The following ZNF106 variants were observed in gnomAD, a reference collection of about 807,000 sequenced individuals.
The protein encoded by ZNF106 is zinc finger protein 106.
Under a neutral mutation model 195.1 loss-of-function variants are expected in ZNF106, and 67 were observed. The observed-to-expected ratio is 0.34, with a 90% CI of 0.28 to 0.42. The LOEUF (loss-of-function observed/expected upper bound fraction) is 0.42. Among genes scored for constraint, ZNF106 ranks in the 10% least tolerant of loss-of-function variants. The pLI is 1.00. For missense variants in ZNF106, 2,118 were observed against 2,304.5 expected (o/e 0.92, Z 1.66); for synonymous variants, 784 against 818.6 (o/e 0.96, Z 0.72).
intron 16 of ZNF106, 94 bp from the exon 17 acceptor site, chr15:42,424,154 CTA>C: frequency 9.0e-7 from 1 of 1,117,200 alleles, no homozygotes; most frequent in Non-Finnish European, 1.3e-6. Flanking sequence ...AATTTCCATC[CTA>C]TTTTGAGATG....
At chr15:42,454,660 G>C (rs1240572856) in intron 4 of ZNF106, among the ~76,000 whole-genome samples, 1 of 151,980 alleles carries the variant, frequency 6.6e-6, no homozygotes, top group Non-Finnish European at 1.5e-5. Flanking sequence ...AAGGTGGGTG[G>C]ATCACTTGAG....
intron 2 of ZNF106, among the ~76,000 whole-genome samples, chr15:42,467,086 T>C (rs375480230): frequency 1.2e-4 from 18 of 151,968 alleles, no homozygotes; most frequent in East Asian, 7.8e-4. Context: ...TGAGCCGAGA[T>C]TGTGCGACTG....
chr15:42,427,976 C>G (rs753734616), intron 15 of ZNF106, 42 bp downstream of exon 15: 1 of 1,528,292 alleles, frequency 6.5e-7, no homozygotes, highest in African/African-American at 1.4e-5. Context: ...ACACTGTTTT[C>G]AAGTGCATGG....
intron 1 of ZNF106, among the ~76,000 whole-genome samples, chr15:42,483,365 C>G (rs981015587): frequency 1.1e-4 from 16 of 152,272 alleles, no homozygotes; most frequent in African/African-American, 3.6e-4. Context: ...GCGGGACAGA[C>G]TGATCAAAGA....
chr15:42,446,329 C>G (rs2055767477), intron 7 of ZNF106, among the ~76,000 whole-genome samples: 1 of 152,154 alleles, frequency 6.6e-6, no homozygotes, highest in Non-Finnish European at 1.5e-5. Flanking sequence ...ATCTATAATC[C>G]TAACACTTTG....
In ZNF106 at chr15:42,449,896, C is replaced by A. The variant is rs2055924934; in HGVS notation, c.2376G>T (p.Glu792Asp). 2 of 1,614,178 alleles carry A rather than the reference C, an allele frequency of 1.2e-6. No individual in the cohort carries two copies. The highest frequency in any genetic ancestry group is 1.7e-6 in the Non-Finnish European group (2 of 1,180,034). Residue 792 changes from glutamate (E) to aspartate (D), a missense_variant, in exon 5 of 22, where the codon GAG (glutamate) becomes GAT (aspartate). Coordinates refer to ENST00000564754, the MANE Select transcript of ZNF106 (RefSeq NM_001366845.3). ...GGGTTGGCTTGAGCCCAGACTCCTT[C>A]TCTGTCTCACTCTTTCGGTGACCGC... Reference protein sequence around the residue: ...NISGHRKSETEKESGLKPTLR... With the variant: ...NISGHRKSETDKESGLKPTLR...
At chr15:42,424,625 C>A in intron 16 of ZNF106, 1 of 517,094 alleles carries the variant, frequency 1.9e-6, no homozygotes, top group East Asian at 3.3e-5. Flanking sequence ...AGTACAGGTG[C>A]ACACCACAAC....
chr15:42,419,400 G>C (rs533384203), intron 20 of ZNF106, among the ~76,000 whole-genome samples: 2 of 151,874 alleles, frequency 1.3e-5, no homozygotes, highest in Non-Finnish European at 2.9e-5. Context: ...AAATTAGCTG[G>C]GCATAGTGGC....
In ZNF106 at chr15:42,442,392, G is replaced by A. The variant is rs1247128159; in HGVS notation, c.3444C>T (p.His1148=). 3.1e-6 allele frequency: 5 copies of A among 1,613,278 alleles called. No homozygotes were observed. The East Asian group carries it at 6.7e-5, about 22-fold the overall frequency. ...GLQETYEPSE[H]PDQVPCSLTR... ...TGAGGCTACAGGGAACCTGGTCTGGGTGCTCAGAAGGTTCATATGTTTCTA... is the reference window on the plus strand; with the variant it reads ...TGAGGCTACAGGGAACCTGGTCTGGATGCTCAGAAGGTTCATATGTTTCTA... The change falls in exon 10 of 22, where the codon CAC becomes CAT. Residue 1148 remains histidine, a synonymous_variant. Coordinates refer to ENST00000564754, the MANE Select transcript of ZNF106 (RefSeq NM_001366845.3).
chr15:42,437,356 T>A lies in ZNF106; in HGVS notation c.4622A>T (p.Asp1541Val). 6.2e-7 allele frequency: 1 copy of A among 1,613,830 alleles called. No individual in the cohort carries two copies. The highest frequency in any genetic ancestry group is 1.6e-4 in the Middle Eastern group (1 of 6,062). ...GCTTCCTTCTGTGGGTTCATCATCA[T>A]CTCCTGGCTCTGAAGATATTTCTGG... is the stretch of plus-strand genomic sequence containing the variant. ...NSSEISSEPG[D>V]DDEPTEGSFE... Residue 1541 changes from aspartate to valine, a missense_variant, in exon 13 of 22, where the codon GAT (aspartate) becomes GTT (valine). Transcript: ENST00000564754.
intron 8 of ZNF106, among the ~76,000 whole-genome samples, 156 bp downstream of exon 8, chr15:42,444,671 A>G (rs1028580213): frequency 1.3e-5 from 2 of 152,154 alleles, no homozygotes; most frequent in African/African-American, 4.8e-5. Context: ...CTTTCTTTGG[A>G]ATCCTAACTG....
chr15:42,471,340 C>T (rs2056663281), intron 2 of ZNF106, among the ~76,000 whole-genome samples: 1 of 152,126 alleles, frequency 6.6e-6, no homozygotes, highest in Non-Finnish European at 1.5e-5. Context: ...AGAATAAATT[C>T]CTCAGTATTT....
At chr15:42,483,179 T>C (rs1049419676) in intron 1 of ZNF106, among the ~76,000 whole-genome samples, 1 of 152,160 alleles carries the variant, frequency 6.6e-6, no homozygotes. Context: ...GGTTTTTTTG[T>C]AACTCTCCAG....
At chr15:42,483,458 A>T (rs2056947438) in intron 1 of ZNF106, among the ~76,000 whole-genome samples, 1 of 152,172 alleles carries the variant, frequency 6.6e-6, no homozygotes, top group African/African-American at 2.4e-5. Flanking sequence ...ACTCCTGAAT[A>T]GCAGCTGTTC....
chr15:42,414,497 C>T lies in ZNF106; in HGVS notation c.*2807G>A, dbSNP rs528081900. 4 of 152,314 alleles carry T rather than the reference C, an allele frequency of 2.6e-5. No homozygotes were observed. Among genetic ancestry groups the T allele is most frequent in the Non-Finnish European group, 4.4e-5 (3 of 68,036 alleles). 9.4% of individuals were successfully genotyped at this position (152,314 alleles called of 1,614,324 possible). A position where few individuals can be genotyped will look rare whatever the true frequency, so the allele number is the denominator to read the frequency against. ...AATATGACAAACACAGGTTCCCACA[C>T]GTACACATACATACAAAGGAACCTG... On this transcript the variant is annotated 3_prime_UTR_variant, in exon 22 of 22. Coordinates refer to ENST00000564754, the MANE Select transcript of ZNF106 (RefSeq NM_001366845.3).
At chr15:42,441,030 T>A (rs79052900) in intron 10 of ZNF106, among the ~76,000 whole-genome samples, 2,315 of 79,872 alleles carry the variant, frequency 0.029, 407 homozygotes, top group African/African-American at 0.1. Context: ...TATATATATA[T>A]ATATATATAT....
At chr15:42,427,792 A>G in intron 15 of ZNF106, 2 of 365,776 alleles carry the variant, frequency 5.5e-6, no homozygotes, top group East Asian at 9.1e-5. Context: ...ACTTGGTTTA[A>G]TTTAGTGGAG....
At chr15:42,425,118 AC>A in intron 15 of ZNF106, 93 bp from the exon 16 acceptor site, 1 of 1,251,560 alleles carries the variant, frequency 8.0e-7, no homozygotes, top group Non-Finnish European at 1.1e-6. Context: ...CATTTCTGTC[AC>A]CTGTACTCAA....
rs1244245253 is a variant in ZNF106, at chr15:42,449,830, C to T, written c.2442G>A (p.Trp814Ter). The change falls in exon 5 of 22, where the codon TGG becomes TGA. Residue 814 changes from tryptophan (W) to a stop codon, truncating the protein, a stop_gained. Coordinates refer to ENST00000564754, the MANE Select transcript of ZNF106 (RefSeq NM_001366845.3). LOFTEE classifies it high-confidence loss of function. ...TGGTTACTTGCTGAATGACCTGTTC[C>T]CAGTTGACATTTCTCCGAGATGCAT... ...ILNASRRNVN[W>*]EQVIQQVTKK... is the part of the protein sequence containing the mutation. 6.2e-7 allele frequency: 1 copy of T among 1,614,026 alleles called. No homozygotes were observed. The highest frequency in any genetic ancestry group is 8.5e-7 in the Non-Finnish European group (1 of 1,180,028).
Sources: allele counts gnomAD v4.1 joint callset (sites outside exome capture counted in the v4.1 genomes callset), GRCh38; gene constraint gnomAD v4.1.1; transcripts MANE v1.5; gene names NCBI Gene and HGNC (gene_info 2026-07-23, HGNC 2026-07-21).